Variants in ANO2 observed in about 807,000 individuals in gnomAD.
ANO2 encodes the protein anoctamin 2, also known as anoctamin-2.
A neutral mutation model predicts 124.2 loss-of-function variants in ANO2; 101 were observed. That is an observed-to-expected ratio of 0.81 (90% CI 0.69 to 0.96). The LOEUF is 0.96. ANO2 is among the 40% of genes least tolerant of loss of function. The pLI is 0.00. For missense variants in ANO2, 1,293 were observed against 1,274.5 expected (o/e 1.01, Z -0.22); for synonymous variants, 486 against 482.5 (o/e 1.01, Z -0.09).
At chr12:5,593,551 A>G (rs1225516258) in intron 20 of ANO2, among the ~76,000 whole-genome samples, 1 of 152,212 alleles carries the variant, frequency 6.6e-6, no homozygotes, top group African/African-American at 2.4e-5. Flanking sequence ...CTACACTCAC[A>G]GTACAGGAAG....
chr12:5,610,969 C>CCTTTTTTTTTTTTTTTTTT (rs1944514790), intron 19 of ANO2, among the ~76,000 whole-genome samples: 1 of 93,930 alleles, frequency 1.1e-5, no homozygotes, highest in Non-Finnish European at 2.2e-5. Flanking sequence ...ACAAACTTCT[C>CCTTTTTTTTTTTTTTTTTT]TGCTTTTTTT....
At chr12:5,945,329 G>A (rs1431211953), upstream of ANO2, 2 of 998,494 alleles carry the variant, frequency 2.0e-6, no homozygotes, top group South Asian at 2.7e-5. Context: ...CCCGCCCCTC[G>A]CCGGCTGCCG....
chr12:5,603,844 C>G (rs945953935), intron 19 of ANO2, among the ~76,000 whole-genome samples: 1 of 144,218 alleles, frequency 6.9e-6, no homozygotes, highest in Non-Finnish European at 1.5e-5. Flanking sequence ...ACTCGGGAGG[C>G]TGAGGCAGGA....
chr12:5,686,473 G>A (rs1286678026), intron 14 of ANO2, among the ~76,000 whole-genome samples: 7 of 152,178 alleles, frequency 4.6e-5, no homozygotes, highest in African/African-American at 1.7e-4. Context: ...CCCTCAATGA[G>A]GGGAAACAGA....
intron 20 of ANO2, among the ~76,000 whole-genome samples, chr12:5,589,594 T>C (rs1591681637): frequency 6.6e-6 from 1 of 151,502 alleles, no homozygotes; most frequent in Non-Finnish European, 1.5e-5. Flanking sequence ...GGCGGGGGGG[T>C]GCTGGGCAAG....
rs568622144 is a variant in ANO2, at chr12:5,885,219, T to C, written c.535-31078A>G. ...CACACTGGGTGGCCCCTGACTCATA[T>C]AGAAAGTTATTAGGAAGGAGTGAGG... On this transcript the variant is annotated intron_variant, in intron 3 of 24. Transcript: ENST00000682330. Among the ~76,000 whole-genome samples the C allele has an allele frequency of 3.1e-4, 47 of 152,312 alleles. No homozygotes were observed. The East Asian group carries it at 8.5e-3, about 28-fold the overall frequency.
chr12:5,687,865 A>AAC (rs1565568795), intron 14 of ANO2, among the ~76,000 whole-genome samples: 1 of 151,446 alleles, frequency 6.6e-6, no homozygotes, highest in Non-Finnish European at 1.5e-5. Flanking sequence ...AGGACTGCCA[A>AAC]AACAACAACA....
At chr12:5,924,851 A>T (rs1284272713) in intron 1 of ANO2, among the ~76,000 whole-genome samples, 1 of 152,220 alleles carries the variant, frequency 6.6e-6, no homozygotes, top group African/African-American at 2.4e-5. Context: ...TTGGAGAAAG[A>T]CACAGACCTC....
chr12:5,628,667 A>AGTGTGT (rs72150450), intron 16 of ANO2, among the ~76,000 whole-genome samples: 176 of 150,912 alleles, frequency 1.2e-3, no homozygotes, highest in Admixed American at 2.2e-3. Flanking sequence ...GTAAGCAGAG[A>AGTGTGT]GTGTGTGTGT....
intron 14 of ANO2, among the ~76,000 whole-genome samples, chr12:5,709,080 A>C (rs1435019422): frequency 2.6e-5 from 4 of 152,232 alleles, no homozygotes; most frequent in Non-Finnish European, 5.9e-5. Context: ...ACATTATTAA[A>C]TAAAACATCA....
intron 1 of ANO2, among the ~76,000 whole-genome samples, chr12:5,941,578 GT>G (rs1180301928): frequency 6.6e-6 from 1 of 151,444 alleles, no homozygotes; most frequent in Admixed American, 6.6e-5. Flanking sequence ...AATAAAAATA[GT>G]TGAATAAATA....
In ANO2 at chr12:5,871,572, G is replaced by A. The variant is rs182685711; in HGVS notation, c.535-17431C>T. On this transcript the variant is annotated intron_variant, in intron 3 of 24. Transcript: ENST00000682330. ...CAGTATTATAACTCACAGGAGCACC[G>A]ACCCTATTGTGATCTGTGCACGCAA... Among the ~76,000 whole-genome samples, 17 of 152,236 alleles carry A rather than the reference G, an allele frequency of 1.1e-4. No homozygotes were observed. In the East Asian group the frequency reaches 2.3e-3, roughly 21 times the overall value.
At chr12:5,805,223 A>G (rs546845837) in intron 9 of ANO2, among the ~76,000 whole-genome samples, 30 of 152,318 alleles carry the variant, frequency 2.0e-4, no homozygotes, top group Admixed American at 1.6e-3. Context: ...GATAAAAAGA[A>G]GCCTGCTCAA....
chr12:5,827,698 G>A, intron 7 of ANO2, 71 bp downstream of exon 7: 2 of 1,505,640 alleles, frequency 1.3e-6, no homozygotes, highest in Admixed American at 1.9e-5. Flanking sequence ...GACCAAGGGA[G>A]CTGTTGAAAG....
chr12:5,563,134 C>T lies in ANO2; in HGVS notation c.*165G>A, dbSNP rs1458745252. Reference sequence around the variant, plus strand: ...GTAGCATCATTTCTCTTCCTTCCTACACTCATTCTGTCAGGCTCTTTCTTT... The same window carrying T: ...GTAGCATCATTTCTCTTCCTTCCTATACTCATTCTGTCAGGCTCTTTCTTT... On this transcript the variant is annotated 3_prime_UTR_variant, in exon 25 of 25. Transcript: ENST00000682330. The T allele has an allele frequency of 1.1e-6, 1 of 939,966 alleles. No homozygotes were observed. The highest frequency in any genetic ancestry group is 1.5e-6 in the Non-Finnish European group (1 of 648,928). 58.2% of individuals were successfully genotyped at this position (939,966 alleles called of 1,614,324 possible).
intron 13 of ANO2, among the ~76,000 whole-genome samples, chr12:5,738,904 C>T (rs891397059): frequency 3.8e-4 from 58 of 152,146 alleles, no homozygotes; most frequent in African/African-American, 1.3e-3. Flanking sequence ...CATTCACAGA[C>T]ATCAAAGACA....
At chr12:5,780,675 G>A (rs1014354204) in intron 10 of ANO2, among the ~76,000 whole-genome samples, 9 of 152,162 alleles carry the variant, frequency 5.9e-5, no homozygotes, top group African/African-American at 1.4e-4. Context: ...GGCCGTGTAC[G>A]TGGCCGCAGG....
chr12:5,938,459 T>G (rs1942749522), intron 1 of ANO2, among the ~76,000 whole-genome samples: 1 of 152,252 alleles, frequency 6.6e-6, no homozygotes, highest in South Asian at 2.1e-4. Context: ...CATTATGGCC[T>G]CAGCCTCCCA....
intron 14 of ANO2, among the ~76,000 whole-genome samples, chr12:5,730,839 G>A (rs115260813): frequency 1.2e-3 from 177 of 152,266 alleles, no homozygotes; most frequent in African/African-American, 4.2e-3. Context: ...TTTCCCCCCA[G>A]TGCCCATAAG....
Sources: allele counts gnomAD v4.1 joint callset (sites outside exome capture counted in the v4.1 genomes callset), GRCh38; gene constraint gnomAD v4.1.1; transcripts MANE v1.5; gene names NCBI Gene and HGNC (gene_info 2026-07-23, HGNC 2026-07-21).